The following MAP3K2 variants were observed in gnomAD, a reference collection of about 807,000 sequenced individuals.
MAP3K2 encodes MAP/ERK kinase kinase 2.
Under a neutral mutation model 80.3 loss-of-function variants are expected in MAP3K2, and 24 were observed. The observed-to-expected ratio is 0.30, with a 90% CI of 0.22 to 0.42. The LOEUF (loss-of-function observed/expected upper bound fraction) is 0.42. MAP3K2 is among the 10% of genes least tolerant of loss of function. The pLI is 1.00. For synonymous variants in MAP3K2, 244 were observed against 253.7 expected, an observed-to-expected ratio of 0.96 and a Z score of 0.36; for missense variants, 608 against 750.1, an observed-to-expected ratio of 0.81 and a Z score of 2.21.
intron 1 of MAP3K2, 101 bp from the exon 2 acceptor site, chr2:127,343,295 T>C (rs1261055509): frequency 1.2e-5 from 7 of 584,252 alleles, no homozygotes; most frequent in African/African-American, 1.9e-5. Context: ...ATGAAAAATA[T>C]ACAATATGAA....
rs1025676894 is a variant in MAP3K2 at position 127,353,842 on chromosome 2, C to T, written c.-65-10648G>A. Reference sequence around the variant, plus strand: ...AAAAGATTGAGAAATCGGATGGTTGCTGTGTCTGTGTAGAAAGAAGTAGAC... The same window carrying T: ...AAAAGATTGAGAAATCGGATGGTTGTTGTGTCTGTGTAGAAAGAAGTAGAC... On this transcript the variant is annotated intron_variant, in intron 1 of 16. Coordinates refer to ENST00000682094, the MANE Select transcript of MAP3K2 (RefSeq NM_001371910.2). Among the ~76,000 whole-genome samples the T allele has an allele frequency of 1.3e-3, 204 of 152,086 alleles. 1 individual carries two copies. Among genetic ancestry groups the T allele is most frequent in the African/African-American group, 4.8e-3 (197 of 41,422 alleles).
intron 1 of MAP3K2, among the ~76,000 whole-genome samples, chr2:127,373,775 A>G (rs1687105141): frequency 6.6e-6 from 1 of 152,194 alleles, no homozygotes; most frequent in Non-Finnish European, 1.5e-5. Context: ...ATGTCCAGTG[A>G]GTCAATAAAG....
chr2:127,329,892 A>G (rs1192916760), intron 7 of MAP3K2, 29 bp downstream of exon 7: 1 of 1,245,370 alleles, frequency 8.0e-7, no homozygotes, highest in African/African-American at 1.5e-5. Context: ...GAAATCATTC[A>G]TTTCATAATT....
In MAP3K2 at chr2:127,325,782, C is replaced by A; in HGVS notation, c.623G>T (p.Ser208Ile). 1.2e-6 allele frequency: 2 copies of A among 1,613,220 alleles called. No individual in the cohort carries two copies. Among genetic ancestry groups the A allele is most frequent in the Non-Finnish European group, 1.7e-6 (2 of 1,179,424 alleles). ...ACTTCCTGAGCCAGAATTTTCAGGG[C>A]TGCTTAAAGATAATGGATCCAGCAT... is the stretch of plus-strand genomic sequence containing the variant. ...DQMLDPLSLS[S>I]PENSGSGSCP... is the part of the protein sequence containing the mutation. The change falls in exon 9 of 17, where the codon AGC (serine) becomes ATC (isoleucine). Residue 208 changes from serine (S) to isoleucine (I), a missense_variant. Physicochemically the swap from Ser to Ile is moderately radical, Grantham distance 142. Around this residue, in one of 4 missense-constraint regions of MAP3K2, gnomAD observed 467 missense variants for 521.9 expected, o/e 0.89. Transcript: ENST00000682094.
Position 127,339,071 on chromosome 2 carries a change from A to G in MAP3K2, c.5-21T>C, listed in dbSNP as rs1221982342. On this transcript the variant is annotated intron_variant, in intron 2 of 16. Transcript: ENST00000682094. The surrounding 1 kb of genome is among the most constrained non-coding windows in gnomAD (Gnocchi z 4.2). ...ATCATCTAGGTAGTTTTGAAACAACACATACATAGAATTGTAATTGTGACA... is the reference window on the plus strand; with the variant it reads ...ATCATCTAGGTAGTTTTGAAACAACGCATACATAGAATTGTAATTGTGACA... 7.1e-7 allele frequency: 1 copy of G among 1,398,886 alleles called. No individual in the cohort carries two copies. The highest frequency in any genetic ancestry group is 1.0e-6 in the Non-Finnish European group (1 of 995,494). The allele number at this position is 1,398,886 out of a possible 1,614,324, so 86.7% of individuals were successfully genotyped here.
At chr2:127,348,217 A>C (rs1686632525) in intron 1 of MAP3K2, among the ~76,000 whole-genome samples, 1 of 151,958 alleles carries the variant, frequency 6.6e-6, no homozygotes, top group Non-Finnish European at 1.5e-5. Context: ...ATGAAACCCT[A>C]TCTCTACTAA....
chr2:127,378,981 G>GTTTTTTT lies in MAP3K2; in HGVS notation c.-66+8464_-66+8470dup, dbSNP rs58961718. Among the ~76,000 whole-genome samples, 109 of 88,044 alleles carry GTTTTTTT rather than the reference G, an allele frequency of 1.2e-3. 2 individuals carry two copies. Among genetic ancestry groups the GTTTTTTT allele is most frequent in the African/African-American group, 4.7e-3 (104 of 22,342 alleles). The allele number at this position is 88,044 out of a possible 152,430, so 57.8% of individuals were successfully genotyped here. A position where few individuals can be genotyped will look rare whatever the true frequency, so the allele number is the denominator to read the frequency against. Reference sequence around the variant, plus strand: ...GGCTAATTTTGTGGGGTTTTTTGTTGTTTTTTTTTTTTTTTTTTTTTGGAG... The same window carrying GTTTTTTT: ...GGCTAATTTTGTGGGGTTTTTTGTTGTTTTTTTTTTTTTTTTTTTTTTTTTTTTGGAG... On this transcript the variant is annotated intron_variant, in intron 1 of 16. Coordinates refer to ENST00000682094, the MANE Select transcript of MAP3K2 (RefSeq NM_001371910.2).
chr2:127,356,176 G>A (rs1458325708), intron 1 of MAP3K2, among the ~76,000 whole-genome samples: 5 of 152,030 alleles, frequency 3.3e-5, no homozygotes, highest in Non-Finnish European at 7.4e-5. Context: ...TCAAACTCCT[G>A]TTAATGTTTA....
In MAP3K2 at chr2:127,386,725, T is replaced by C. The variant is rs138218160; in HGVS notation, c.-66+727A>G. ...GCAAAAGATATCGAAGAGCTTACGT[T>C]AGGGAAAACTAAACTGTATCTGTCT... is the stretch of plus-strand genomic sequence containing the variant. On this transcript the variant is annotated intron_variant, in intron 1 of 16. Transcript: ENST00000682094. Among the ~76,000 whole-genome samples the C allele has an allele frequency of 2.5e-3, 387 of 152,348 alleles. 2 individuals are homozygous for C. The highest frequency in any genetic ancestry group is 8.8e-3 in the African/African-American group (365 of 41,568).
At chr2:127,381,803 T>G (rs964020609) in intron 1 of MAP3K2, among the ~76,000 whole-genome samples, 1 of 152,184 alleles carries the variant, frequency 6.6e-6, no homozygotes, top group African/African-American at 2.4e-5. Context: ...ATTAAATCAC[T>G]TATTAGGTAT....
At chr2:127,383,445 T>G (rs1687287131) in intron 1 of MAP3K2, among the ~76,000 whole-genome samples, 1 of 152,264 alleles carries the variant, frequency 6.6e-6, no homozygotes, top group Admixed American at 6.5e-5. Context: ...TTTCTTTTTT[T>G]GAAGATTGCT....
chr2:127,337,529 G>C (rs890943251), intron 4 of MAP3K2, among the ~76,000 whole-genome samples: 2 of 152,124 alleles, frequency 1.3e-5, no homozygotes, highest in African/African-American at 4.8e-5. Context: ...AAATTGCAAA[G>C]ACATTAATCA....
chr2:127,356,870 A>G (rs1574000146), intron 1 of MAP3K2, among the ~76,000 whole-genome samples: 1 of 151,804 alleles, frequency 6.6e-6, no homozygotes, highest in East Asian at 1.9e-4. Flanking sequence ...AAACAAAAAT[A>G]GACAGACGGG....
intron 14 of MAP3K2, 96 bp from the exon 15 acceptor site, chr2:127,314,979 A>T (rs1420356913): frequency 3.6e-6 from 3 of 831,422 alleles, no homozygotes; most frequent in African/African-American, 1.7e-5. Context: ...AGGAATTCTC[A>T]TCTCACTCGT....
intron 2 of MAP3K2, among the ~76,000 whole-genome samples, chr2:127,341,161 T>C (rs1017538516): frequency 6.6e-6 from 1 of 151,842 alleles, no homozygotes; most frequent in Non-Finnish European, 1.5e-5. Flanking sequence ...GGCTAATTTT[T>C]TGTATTTTTA....
intron 1 of MAP3K2, among the ~76,000 whole-genome samples, chr2:127,368,878 T>C (rs1272655009): frequency 6.6e-6 from 1 of 152,056 alleles, no homozygotes; most frequent in Non-Finnish European, 1.5e-5. Flanking sequence ...CCAAAGTAGC[T>C]GGCACTACAG....
At chr2:127,354,072 C>T (rs1404644214) in intron 1 of MAP3K2, among the ~76,000 whole-genome samples, 4 of 151,558 alleles carry the variant, frequency 2.6e-5, no homozygotes, top group Non-Finnish European at 4.4e-5. Context: ...ATCACCACTC[C>T]CTAATCTCAA....
At chr2:127,317,534 G>C in intron 14 of MAP3K2, 95 bp downstream of exon 14, 1 of 1,052,470 alleles carries the variant, frequency 9.5e-7, no homozygotes, top group Admixed American at 3.0e-5. Context: ...CCTTAACTAG[G>C]GTTAACATTT....
intron 1 of MAP3K2, among the ~76,000 whole-genome samples, chr2:127,377,025 C>T (rs574003367): frequency 6.6e-6 from 1 of 151,454 alleles, no homozygotes; most frequent in South Asian, 2.1e-4. Flanking sequence ...CCTGACACTG[C>T]ACTCCAGCCT....
Sources: allele counts gnomAD v4.1 joint callset (sites outside exome capture counted in the v4.1 genomes callset), GRCh38; gene constraint gnomAD v4.1.1; regional missense constraint gnomAD v4.1.1; non-coding constraint Gnocchi (gnomAD v3.1); transcripts MANE v1.5; gene names NCBI Gene and HGNC (gene_info 2026-07-23, HGNC 2026-07-21).